Variants in SAMD12 observed in about 807,000 individuals in gnomAD.
The protein encoded by SAMD12 is sterile alpha motif domain containing 12.
Under a neutral mutation model 15.0 loss-of-function variants are expected in SAMD12, and 9 were observed. The observed-to-expected ratio is 0.60, with a 90% CI of 0.36 to 1.05. SAMD12 has a LOEUF of 1.05. Ranked by LOEUF, SAMD12 falls within the 50% of genes least tolerant of loss-of-function variation. The pLI is 0.01. For synonymous variants in SAMD12, 86 were observed against 90.1 expected, an observed-to-expected ratio of 0.96 and a Z score of 0.25; for missense variants, 230 against 234.2, an observed-to-expected ratio of 0.98 and a Z score of 0.12.
chr8:118,283,794 T>C lies in SAMD12; in HGVS notation c.434-86062A>G, dbSNP rs114987933. 5.9e-3 allele frequency among the ~76,000 whole-genome samples: 895 copies of C among 152,274 alleles called. 8 individuals carry two copies. The highest frequency in any genetic ancestry group is 0.02 in the African/African-American group (826 of 41,558). ...GAGCAAATGTATGCATAGAGGAGAT[T>C]GAGCAGATGAATATGGGATTAAACA... On this transcript the variant is annotated intron_variant, in intron 4 of 4. Transcript: ENST00000409003.
intron 4 of SAMD12, among the ~76,000 whole-genome samples, chr8:118,299,495 C>G (rs1198964891): frequency 6.6e-6 from 1 of 152,106 alleles, no homozygotes; most frequent in African/African-American, 2.4e-5. Context: ...CTGTCCCAAT[C>G]AAGATAGGGT....
At chr8:118,222,490 G>A (rs1011645372) in intron 4 of SAMD12, among the ~76,000 whole-genome samples, 5 of 152,146 alleles carry the variant, frequency 3.3e-5, no homozygotes, top group African/African-American at 1.2e-4. Context: ...ATTTAAAAAT[G>A]TGTGAGGAAG....
At chr8:118,186,289 A>G (rs371217400), downstream of SAMD12, among the ~76,000 whole-genome samples, 11 of 152,220 alleles carry the variant, frequency 7.2e-5, no homozygotes, top group East Asian at 5.8e-4. Flanking sequence ...TCATTTTAAT[A>G]TAGGCTACTT....
At chr8:118,219,493 T>C (rs190978347) in intron 4 of SAMD12, among the ~76,000 whole-genome samples, 35 of 152,346 alleles carry the variant, frequency 2.3e-4, no homozygotes, top group African/African-American at 7.7e-4. Flanking sequence ...TAGCTACAAA[T>C]TCTTTCATAT....
In SAMD12 at chr8:118,472,261, C is replaced by T. The variant is rs573452940; in HGVS notation, c.193-32300G>A. ...GAGATTGTGCCACTGCACTCCAGCC[C>T]GGGTGACAGAGCGAGACTCCATCTA... On this transcript the variant is annotated intron_variant, in intron 2 of 3. Transcript: ENST00000314727. Among the ~76,000 whole-genome samples, 277 of 149,982 alleles carry T rather than the reference C, an allele frequency of 1.8e-3. 1 individual carries two copies. The highest frequency in any genetic ancestry group is 3.4e-3 in the Non-Finnish European group (228 of 67,594).
At chr8:118,305,049 G>A (rs991713808) in intron 4 of SAMD12, among the ~76,000 whole-genome samples, 4 of 145,592 alleles carry the variant, frequency 2.7e-5, no homozygotes, top group Non-Finnish European at 4.5e-5. Context: ...CTCGGGAGGC[G>A]GAGGCACAAA....
the SAMD12 span, among the ~76,000 whole-genome samples, chr8:118,133,688 A>T: frequency 1.3e-5 from 2 of 152,186 alleles, no homozygotes; most frequent in East Asian, 3.8e-4. Context: ...AGAAGAACTG[A>T]TACATAGCAA....
At chr8:118,509,557 G>C (rs890732085) in intron 2 of SAMD12, among the ~76,000 whole-genome samples, 1 of 152,178 alleles carries the variant, frequency 6.6e-6, no homozygotes, top group African/African-American at 2.4e-5. Flanking sequence ...TACTTCTGAA[G>C]TGTAGATGTA....
At chr8:118,611,847 T>C (rs1415776558) in intron 1 of SAMD12, among the ~76,000 whole-genome samples, 2 of 152,196 alleles carry the variant, frequency 1.3e-5, no homozygotes, top group East Asian at 3.8e-4. Flanking sequence ...AATCCCAATA[T>C]GTCAGCATCC....
chr8:118,504,695 G>A (rs1458563753), intron 2 of SAMD12, among the ~76,000 whole-genome samples: 2 of 152,218 alleles, frequency 1.3e-5, no homozygotes, highest in African/African-American at 4.8e-5. Context: ...CTCTATGGGA[G>A]AAAGACATAG....
chr8:118,550,537 A>G (rs942434376), intron 2 of SAMD12, among the ~76,000 whole-genome samples: 2 of 152,210 alleles, frequency 1.3e-5, no homozygotes, highest in African/African-American at 4.8e-5. Context: ...AGCACTAAAC[A>G]TGGAAAGGAA....
At chr8:118,158,499 C>T in the SAMD12 span, among the ~76,000 whole-genome samples, 20 of 152,336 alleles carry the variant, frequency 1.3e-4, no homozygotes, top group African/African-American at 4.8e-4. Flanking sequence ...GGCATAGCTG[C>T]AGCATGCATT....
chr8:118,163,796 A>AC, the SAMD12 span, among the ~76,000 whole-genome samples: 1 of 152,136 alleles, frequency 6.6e-6, no homozygotes, highest in Admixed American at 6.5e-5. Context: ...AATGGAGTGA[A>AC]CCCTGGAGGC....
intron 2 of SAMD12, among the ~76,000 whole-genome samples, chr8:118,474,527 C>G (rs1038294594): frequency 5.3e-5 from 8 of 151,546 alleles, no homozygotes; most frequent in Admixed American, 5.3e-4. Flanking sequence ...ATTACAGGCA[C>G]CTGCCACCAT....
At chr8:118,422,772 CAGTA>C in intron 3 of SAMD12, among the ~76,000 whole-genome samples, 1 of 152,078 alleles carries the variant, frequency 6.6e-6, no homozygotes, top group African/African-American at 2.4e-5. Flanking sequence ...AGAAAAGTGG[CAGTA>C]AGAAGAGAGA....
At chr8:118,578,878 T>C (rs1471438402) in intron 2 of SAMD12, among the ~76,000 whole-genome samples, 1 of 152,192 alleles carries the variant, frequency 6.6e-6, no homozygotes, top group Admixed American at 6.6e-5. Context: ...ACCTCATTTG[T>C]TGGGGATGGG....
At chr8:118,303,602 G>C (rs952089442) in intron 4 of SAMD12, among the ~76,000 whole-genome samples, 1 of 152,090 alleles carries the variant, frequency 6.6e-6, no homozygotes, top group East Asian at 1.9e-4. Context: ...TCTTAGGATC[G>C]CAAAAACAAA....
chr8:118,337,297 G>T (rs1447714781), intron 4 of SAMD12, among the ~76,000 whole-genome samples: 1 of 152,064 alleles, frequency 6.6e-6, no homozygotes, highest in Non-Finnish European at 1.5e-5. Context: ...CATGTCACAC[G>T]CCAGCTCAGC....
intron 3 of SAMD12, among the ~76,000 whole-genome samples, chr8:118,424,535 G>C (rs969894815): frequency 2.0e-5 from 3 of 152,102 alleles, no homozygotes; most frequent in Non-Finnish European, 4.4e-5. Context: ...AAGATATGAA[G>C]CTTGCCAAGA....
Sources: allele counts gnomAD v4.1 joint callset (sites outside exome capture counted in the v4.1 genomes callset), GRCh38; gene constraint gnomAD v4.1.1; transcripts MANE v1.5; gene names NCBI Gene and HGNC (gene_info 2026-07-23, HGNC 2026-07-21).